Variants in UBE4B observed in about 807,000 individuals in gnomAD.
The protein encoded by UBE4B is ubiquitin conjugation factor E4 B.
In UBE4B, 27 loss-of-function variants were observed where a neutral mutation model predicts 148.1. That is an observed-to-expected ratio of 0.18 (90% CI 0.13 to 0.25). The LOEUF (loss-of-function observed/expected upper bound fraction) is 0.25. Among genes scored for constraint, UBE4B ranks in the 10% least tolerant of loss-of-function variants. The pLI is 1.00. For synonymous variants in UBE4B, 596 were observed against 619.3 expected, an observed-to-expected ratio of 0.96 and a Z score of 0.56; for missense variants, 1,170 against 1,662.4, an observed-to-expected ratio of 0.70 and a Z score of 5.15.
Position 10,126,790 on chromosome 1 carries a change from A to G in UBE4B, c.1555-4A>G, listed in dbSNP as rs749472630. ...TATTTCTGATTTTGTTTTTTTTCTTATAGATATTTATCCCCATTTTACAAG... is the reference window on the plus strand; with the variant it reads ...TATTTCTGATTTTGTTTTTTTTCTTGTAGATATTTATCCCCATTTTACAAG... On this transcript the variant is annotated splice_region_variant and splice_polypyrimidine_tract_variant and intron_variant, in intron 10 of 27. Transcript: ENST00000343090. The G allele has an allele frequency of 2.5e-6, 4 of 1,610,968 alleles. No homozygotes were observed. The highest frequency in any genetic ancestry group is 3.4e-6 in the Non-Finnish European group (4 of 1,178,038).
At chr1:10,035,245 C>T (rs1003595600) in intron 1 of UBE4B, among the ~76,000 whole-genome samples, 5 of 152,056 alleles carry the variant, frequency 3.3e-5, no homozygotes, top group Non-Finnish European at 5.9e-5. Flanking sequence ...GATGCACCCG[C>T]CTCAGCCTCC....
intron 11 of UBE4B, chr1:10,128,227 G>A (rs1216492197): frequency 6.6e-6 from 1 of 152,196 alleles, no homozygotes; most frequent in African/African-American, 2.4e-5. Flanking sequence ...TGATGTTTCA[G>A]TGAGGAGCTT....
intron 7 of UBE4B, among the ~76,000 whole-genome samples, chr1:10,114,096 A>G (rs904367741): frequency 2.0e-5 from 3 of 149,264 alleles, no homozygotes; most frequent in Non-Finnish European, 4.5e-5. Context: ...AAAAAAAAAG[A>G]TGCGTTTCTT....
chr1:10,111,214 A>G (rs1301936017), intron 7 of UBE4B, among the ~76,000 whole-genome samples: 2 of 150,866 alleles, frequency 1.3e-5, no homozygotes, highest in Admixed American at 1.3e-4. Context: ...TCCACATACT[A>G]CACACACACA....
chr1:10,089,250 C>G (rs1644810676), intron 2 of UBE4B, among the ~76,000 whole-genome samples: 2 of 152,070 alleles, frequency 1.3e-5, no homozygotes, highest in Admixed American at 6.6e-5. Flanking sequence ...CGTAATCTGC[C>G]CACCTTAGCC....
chr1:10,047,175 G>T (rs1456735247), intron 1 of UBE4B, among the ~76,000 whole-genome samples: 1 of 152,202 alleles, frequency 6.6e-6, no homozygotes, highest in Non-Finnish European at 1.5e-5. Flanking sequence ...TCCAGATTCT[G>T]TGTATTAGTT....
At chr1:10,053,074 A>G (rs1423957849) in intron 1 of UBE4B, among the ~76,000 whole-genome samples, 1 of 152,136 alleles carries the variant, frequency 6.6e-6, no homozygotes, top group Admixed American at 6.6e-5. Context: ...TAATTTCATC[A>G]GCGACCCTCC....
rs370639198 is a variant in UBE4B at position 10,106,227 on chromosome 1, C to T, written c.840C>T (p.Pro280=). 1.6e-5 allele frequency: 26 copies of T among 1,608,206 alleles called. No homozygotes were observed. The African/African-American group carries it at 3.3e-4, about 21-fold the overall frequency. Residue 280 remains proline, a synonymous_variant, in exon 7 of 28, where the codon CCC becomes CCT. Transcript: ENST00000343090. The surrounding 1 kb of genome is among the most constrained non-coding windows in gnomAD (Gnocchi z 4.2). The part of the protein sequence containing the change: ...SLYESSPAPT[P]SFWSSVPVMG... ...ATGAAAGTAGTCCGGCTCCCACTCC[C>T]AGTTTCTGGAGCTCTGTTCCCGTGA...
chr1:10,054,669 A>T (rs1644126041), intron 1 of UBE4B: 2 of 268,022 alleles, frequency 7.5e-6, no homozygotes, highest in Non-Finnish European at 7.3e-6. Flanking sequence ...CTACAATGCC[A>T]GCAGCATGCT....
intron 7 of UBE4B, among the ~76,000 whole-genome samples, chr1:10,111,066 C>T (rs1645210916): frequency 6.7e-6 from 1 of 150,150 alleles, no homozygotes. Context: ...CACACACACA[C>T]ACACACACAC....
intron 3 of UBE4B, among the ~76,000 whole-genome samples, chr1:10,097,957 G>A (rs994855047): frequency 6.6e-6 from 1 of 151,732 alleles, no homozygotes; most frequent in Non-Finnish European, 1.5e-5. Context: ...TGCAACCTCC[G>A]CCTCCTGGGT....
chr1:10,165,845 T>C (rs1186778035), intron 23 of UBE4B, among the ~76,000 whole-genome samples: 1 of 152,158 alleles, frequency 6.6e-6, no homozygotes, highest in Non-Finnish European at 1.5e-5. Context: ...TTACTGTGTG[T>C]CTGTCTGGGT....
At chr1:10,175,377 T>A (rs193209561) in intron 25 of UBE4B, among the ~76,000 whole-genome samples, 3 of 151,262 alleles carry the variant, frequency 2.0e-5, no homozygotes, top group Non-Finnish European at 4.4e-5. Context: ...AATAGCCGGG[T>A]GCAGTGGCTC....
intron 1 of UBE4B, among the ~76,000 whole-genome samples, chr1:10,043,146 A>G (rs745682023): frequency 1.3e-5 from 2 of 151,440 alleles, no homozygotes; most frequent in Non-Finnish European, 2.9e-5. Context: ...AGTAGCTGGG[A>G]TTACAGGCAT....
At chr1:10,163,450 A>C (rs1646198727) in intron 23 of UBE4B, 1 of 152,186 alleles carries the variant, frequency 6.6e-6, no homozygotes, top group African/African-American at 2.4e-5. Flanking sequence ...CGAGTGGATC[A>C]CAATGTCAAG....
At chr1:10,175,380 A>ACG (rs1557619604) in intron 25 of UBE4B, among the ~76,000 whole-genome samples, 16 of 152,246 alleles carry the variant, frequency 1.1e-4, no homozygotes, top group Admixed American at 2.6e-4. Flanking sequence ...AGCCGGGTGC[A>ACG]GTGGCTCACG....
intron 17 of UBE4B, among the ~76,000 whole-genome samples, chr1:10,140,784 C>G (rs931783780): frequency 5.9e-5 from 9 of 152,090 alleles, no homozygotes; most frequent in African/African-American, 9.7e-5. Context: ...TGTGTATATG[C>G]GTATTGGAAA....
At chr1:10,081,067 T>C (rs1644671615) in intron 2 of UBE4B, among the ~76,000 whole-genome samples, 1 of 152,138 alleles carries the variant, frequency 6.6e-6, no homozygotes, top group South Asian at 2.1e-4. Flanking sequence ...ACAACAATAT[T>C]ATTATTATTA....
chr1:10,097,746 G>T (rs927944604), intron 3 of UBE4B, among the ~76,000 whole-genome samples: 2 of 152,096 alleles, frequency 1.3e-5, no homozygotes, highest in Admixed American at 6.6e-5. Flanking sequence ...GGAGGTGGAG[G>T]TTGCTGTGAC....
Sources: gnomAD v4.1 joint callset for allele counts (sites outside exome capture counted in the v4.1 genomes callset) on GRCh38, gnomAD v4.1.1 for gene constraint, Gnocchi (gnomAD v3.1) non-coding constraint, MANE v1.5 for transcripts, NCBI Gene and HGNC (gene_info 2026-07-23, HGNC 2026-07-21) for gene names.